The following DOCK3 variants were observed in gnomAD, a reference collection of about 807,000 sequenced individuals.
DOCK3 encodes dedicator of cytokinesis protein 3.
Under a neutral mutation model 265.6 loss-of-function variants are expected in DOCK3, and 60 were observed. That is an observed-to-expected ratio of 0.23 (90% confidence interval 0.18 to 0.28). DOCK3 has a LOEUF of 0.28. DOCK3 is among the 10% of genes least tolerant of loss of function. The pLI is 1.00. For missense variants in DOCK3, 1,981 were observed against 2,594.3 expected, an observed-to-expected ratio of 0.76 and a Z score of 5.14; for synonymous variants, 881 against 938.0, an observed-to-expected ratio of 0.94 and a Z score of 1.11.
chr3:51,143,271 T>C (rs1333398296), intron 9 of DOCK3, among the ~76,000 whole-genome samples: 1 of 4,572 alleles, frequency 2.2e-4, no homozygotes, highest in African/African-American at 1.3e-3. Context: ...TTTTTTTTTT[T>C]ATGTGTGTGT....
intron 2 of DOCK3, among the ~76,000 whole-genome samples, chr3:50,822,388 A>G (rs2608992): frequency 8.5e-4 from 129 of 152,228 alleles, no homozygotes; most frequent in Non-Finnish European, 1.6e-3. Context: ...ATTGGTTATC[A>G]GTTCCAAGAG....
At chr3:51,129,373 G>T (rs2084408030) in intron 9 of DOCK3, among the ~76,000 whole-genome samples, 1 of 152,194 alleles carries the variant, frequency 6.6e-6, no homozygotes, top group African/African-American at 2.4e-5. Context: ...TGATCCTGGG[G>T]CACTCCCCAT....
intron 12 of DOCK3, among the ~76,000 whole-genome samples, chr3:51,205,363 C>T (rs1461497847): frequency 1.3e-5 from 2 of 151,748 alleles, no homozygotes; most frequent in Non-Finnish European, 2.9e-5. Context: ...ATGATGAAGA[C>T]TTTGATGGGG....
chr3:50,682,883 G>C (rs1576074004), intron 1 of DOCK3, among the ~76,000 whole-genome samples: 1 of 152,364 alleles, frequency 6.6e-6, no homozygotes, highest in East Asian at 1.9e-4. Context: ...AGGTTGTAGT[G>C]AGCTGAGATC....
chr3:51,323,387 A>G (rs1479663304), intron 32 of DOCK3, among the ~76,000 whole-genome samples: 1 of 152,190 alleles, frequency 6.6e-6, no homozygotes, highest in Non-Finnish European at 1.5e-5. Context: ...CTCCACCCCA[A>G]ATCAACAGAA....
chr3:51,061,999 C>T (rs902823394), intron 5 of DOCK3, among the ~76,000 whole-genome samples: 5 of 152,144 alleles, frequency 3.3e-5, no homozygotes, highest in Non-Finnish European at 4.4e-5. Flanking sequence ...GGCACCTCTA[C>T]CTACAAAACA....
intron 2 of DOCK3, among the ~76,000 whole-genome samples, chr3:50,811,216 C>G (rs1425635251): frequency 1.2e-5 from 1 of 84,374 alleles, no homozygotes; most frequent in Non-Finnish European, 2.9e-5. Context: ...AGTGAGAGAC[C>G]CTGTCTCTAT....
intron 14 of DOCK3, among the ~76,000 whole-genome samples, chr3:51,218,540 C>G (rs1459523594): frequency 6.6e-6 from 1 of 152,166 alleles, no homozygotes; most frequent in Non-Finnish European, 1.5e-5. Flanking sequence ...TGCCATGGCT[C>G]TCTTTCTTTG....
At position 51,333,213 on chromosome 3, in the gene DOCK3, A is replaced by T; in HGVS notation, c.3571A>T (p.Thr1191Ser). ...GCGCGAGACCGGCATTTCCTTTGTG[A>T]CCTCAGTCACCCGCCTCATGGAACG... ...TWRETGISFVTSVTRLMERLL... is the reference protein window; with the variant it reads ...TWRETGISFVSSVTRLMERLL... The change falls in exon 35 of 53, where the codon ACC becomes TCC. Residue 1191 changes from threonine to serine, a missense_variant. Around this residue, in one of 4 missense-constraint regions of DOCK3, gnomAD observed 1,357 missense variants for 1,866.8 expected, o/e 0.73. Coordinates refer to ENST00000266037, the MANE Select transcript of DOCK3 (RefSeq NM_004947.5). The T allele has an allele frequency of 6.2e-7, 1 of 1,613,060 alleles. No homozygotes were observed. Among genetic ancestry groups the T allele is most frequent in the Non-Finnish European group, 8.5e-7 (1 of 1,179,838 alleles).
chr3:50,771,007 A>G (rs909514454), intron 1 of DOCK3, among the ~76,000 whole-genome samples: 1 of 152,202 alleles, frequency 6.6e-6, no homozygotes. Flanking sequence ...ACAAGAAAAC[A>G]TTGGGGAAAA....
chr3:51,282,715 C>T (rs1242287501), intron 27 of DOCK3, among the ~76,000 whole-genome samples: 1 of 149,864 alleles, frequency 6.7e-6, no homozygotes, highest in African/African-American at 2.4e-5. Context: ...AAGAAAAGCC[C>T]AGGACCAGAT....
At chr3:51,016,764 T>TAC (rs1185798895) in intron 5 of DOCK3, among the ~76,000 whole-genome samples, 7,561 of 44,632 alleles carry the variant, frequency 0.17, 3,631 homozygotes, top group African/African-American at 0.21. Flanking sequence ...ATATATATGA[T>TAC]ATATGTTTAT....
chr3:51,291,819 C>T (rs1244614257), intron 27 of DOCK3, among the ~76,000 whole-genome samples: 1 of 152,170 alleles, frequency 6.6e-6, no homozygotes, highest in Admixed American at 6.5e-5. Context: ...AGGTCAGTAA[C>T]ATGGATTAAT....
intron 1 of DOCK3, among the ~76,000 whole-genome samples, chr3:50,759,980 T>A (rs1211819255): frequency 2.6e-5 from 4 of 152,120 alleles, no homozygotes; most frequent in Admixed American, 2.6e-4. Context: ...TTGTTGTTGA[T>A]GTAGCCTTTG....
At chr3:50,696,712 T>A (rs976928456) in intron 1 of DOCK3, among the ~76,000 whole-genome samples, 2 of 152,166 alleles carry the variant, frequency 1.3e-5, no homozygotes, top group African/African-American at 2.4e-5. Context: ...AATTCCATTT[T>A]GAAGATCTGT....
At chr3:51,274,548 A>T (rs1445514882) in intron 24 of DOCK3, among the ~76,000 whole-genome samples, 3 of 152,120 alleles carry the variant, frequency 2.0e-5, no homozygotes, top group Non-Finnish European at 4.4e-5. Flanking sequence ...GAGGACAAGG[A>T]GGGAGGATCG....
intron 35 of DOCK3, among the ~76,000 whole-genome samples, chr3:51,336,340 G>GTTT (rs60903466): frequency 4.8e-4 from 70 of 144,898 alleles, no homozygotes; most frequent in Middle Eastern, 3.6e-3. Flanking sequence ...GGGTTTTTTT[G>GTTT]TTTTTTTTTT....
chr3:51,198,933 G>A (rs1157500832), intron 12 of DOCK3, among the ~76,000 whole-genome samples: 1 of 152,106 alleles, frequency 6.6e-6, no homozygotes, highest in East Asian at 1.9e-4. Flanking sequence ...GGAGGCTGAG[G>A]CATGAGAATC....
chr3:51,319,638 G>A (rs555693702), intron 32 of DOCK3, among the ~76,000 whole-genome samples: 103 of 152,166 alleles, frequency 6.8e-4, no homozygotes, highest in African/African-American at 2.4e-3. Flanking sequence ...AGGCTGAGGC[G>A]GGTGGATCAC....
Sources: allele counts gnomAD v4.1 joint callset (sites outside exome capture counted in the v4.1 genomes callset), GRCh38; gene constraint gnomAD v4.1.1; regional missense constraint gnomAD v4.1.1; transcripts MANE v1.5; gene names NCBI Gene and HGNC (gene_info 2026-07-23, HGNC 2026-07-21).